Variants in ARHGAP24 observed in about 807,000 individuals in gnomAD.
The protein encoded by ARHGAP24 is Rho GTPase activating protein 24.
ARHGAP24 carries 50 observed loss-of-function variants against 76.4 expected under a neutral mutation model. The observed-to-expected ratio is 0.65, with a 90% CI of 0.52 to 0.83. ARHGAP24 has a LOEUF of 0.83. Ranked by LOEUF, ARHGAP24 falls within the 40% of genes least tolerant of loss-of-function variation. The pLI, the probability that ARHGAP24 is intolerant of heterozygous loss-of-function variation, is 0.00. For synonymous variants in ARHGAP24, 345 were observed against 323.3 expected, an observed-to-expected ratio of 1.07 and a Z score of -0.72; for missense variants, 930 against 914.2, an observed-to-expected ratio of 1.02 and a Z score of -0.22.
At chr4:85,736,301 C>T (rs975408522) in intron 3 of ARHGAP24, among the ~76,000 whole-genome samples, 1 of 152,134 alleles carries the variant, frequency 6.6e-6, no homozygotes, top group Non-Finnish European at 1.5e-5. Flanking sequence ...CTTTGTTTTG[C>T]TCATCATCTT....
chr4:85,872,556 A>G (rs1732593746), intron 3 of ARHGAP24, among the ~76,000 whole-genome samples: 1 of 147,742 alleles, frequency 6.8e-6, no homozygotes, highest in East Asian at 2.0e-4. Context: ...TCGGCCTCCC[A>G]AAGTGCTGGG....
At chr4:85,921,854 G>A (rs1735736624) in intron 3 of ARHGAP24, among the ~76,000 whole-genome samples, 1 of 152,046 alleles carries the variant, frequency 6.6e-6, no homozygotes, top group African/African-American at 2.4e-5. Flanking sequence ...CGCTCCTTAT[G>A]ATAGTTGAAC....
chr4:85,715,334 T>C (rs1407135894), intron 2 of ARHGAP24, among the ~76,000 whole-genome samples: 1 of 152,098 alleles, frequency 6.6e-6, no homozygotes, highest in Admixed American at 6.6e-5. Flanking sequence ...TTTACTACAA[T>C]CATTTCATTA....
At chr4:85,842,270 A>G (rs919092664) in intron 3 of ARHGAP24, among the ~76,000 whole-genome samples, 2 of 152,066 alleles carry the variant, frequency 1.3e-5, no homozygotes, top group Non-Finnish European at 2.9e-5. Flanking sequence ...CTCTCTCTCA[A>G]TCATTTCTAT....
At chr4:85,975,558 T>G (rs576826270) in intron 7 of ARHGAP24, 2 of 153,164 alleles carry the variant, frequency 1.3e-5, no homozygotes, top group South Asian at 4.1e-4. Flanking sequence ...AAAATAATTG[T>G]GCCTGGAAAA....
Position 85,570,665 on chromosome 4 carries a change from G to A in ARHGAP24, c.124G>A (p.Val42Met). 1 of 1,614,112 alleles carries A rather than the reference G, an allele frequency of 6.2e-7. No individual in the cohort carries two copies. The highest frequency in any genetic ancestry group is 8.5e-7 in the Non-Finnish European group (1 of 1,180,022). ...FVKTWHTRWFVLKGDQLYYFK... is the reference protein window; with the variant it reads ...FVKTWHTRWFMLKGDQLYYFK... ...CAAGACTTGGCATACTCGCTGGTTT[G>A]TGCTCAAGGGGGATCAGCTCTATTA... is the stretch of plus-strand genomic sequence containing the variant. Residue 42 changes from valine to methionine, a missense_variant, in exon 2 of 10, where the codon GTG becomes ATG. Val to Met is a conservative substitution (Grantham distance 21). Coordinates refer to ENST00000395184, the MANE Select transcript of ARHGAP24 (RefSeq NM_001025616.3).
chr4:85,484,670 G>C (rs1246534457), intron 1 of ARHGAP24, among the ~76,000 whole-genome samples: 23 of 152,112 alleles, frequency 1.5e-4, no homozygotes, highest in Admixed American at 1.5e-3. Context: ...AGGCTGGAGT[G>C]CAGTGGTGCC....
intron 1 of ARHGAP24, among the ~76,000 whole-genome samples, chr4:85,531,865 G>A (rs1038037837): frequency 6.6e-6 from 1 of 151,998 alleles, no homozygotes; most frequent in African/African-American, 2.4e-5. Flanking sequence ...TCTCTCCACA[G>A]CATATTATAT....
At chr4:85,798,507 ACACCTCCC>A (rs957193055) in intron 3 of ARHGAP24, among the ~76,000 whole-genome samples, 6 of 152,194 alleles carry the variant, frequency 3.9e-5, no homozygotes, top group South Asian at 2.1e-4. Context: ...ACAGGACTGT[ACACCTCCC>A]CACAATGCAA....
chr4:85,871,201 T>C (rs1732507040), intron 3 of ARHGAP24, among the ~76,000 whole-genome samples: 1 of 152,162 alleles, frequency 6.6e-6, no homozygotes. Context: ...CTTTAGGTTT[T>C]GAAGGACCTA....
chr4:85,633,588 G>A (rs193163759), intron 2 of ARHGAP24, among the ~76,000 whole-genome samples: 28 of 151,658 alleles, frequency 1.8e-4, no homozygotes, highest in East Asian at 5.8e-4. Flanking sequence ...TTCTTCTAGC[G>A]GAGTGATATT....
At chr4:85,770,398 C>T (rs2110078420) in intron 3 of ARHGAP24, among the ~76,000 whole-genome samples, 1 of 152,164 alleles carries the variant, frequency 6.6e-6, no homozygotes, top group East Asian at 1.9e-4. Flanking sequence ...TCCAATAGTC[C>T]TCCTATTGTT....
chr4:85,543,778 A>G (rs1365814761), intron 1 of ARHGAP24, among the ~76,000 whole-genome samples: 2 of 152,098 alleles, frequency 1.3e-5, no homozygotes, highest in Non-Finnish European at 2.9e-5. Context: ...TTTTTTTCCT[A>G]TAATCCTTAA....
chr4:85,485,033 GT>G (rs1722964916), intron 1 of ARHGAP24, among the ~76,000 whole-genome samples: 1 of 151,500 alleles, frequency 6.6e-6, no homozygotes, highest in Non-Finnish European at 1.5e-5. Flanking sequence ...GTTCTTTTTT[GT>G]TTTTTTCCTT....
At chr4:85,754,118 TC>T (rs1185771377) in intron 3 of ARHGAP24, among the ~76,000 whole-genome samples, 1 of 152,178 alleles carries the variant, frequency 6.6e-6, no homozygotes, top group Non-Finnish European at 1.5e-5. Flanking sequence ...TCTGGGAACC[TC>T]CTGATCTCTG....
intron 1 of ARHGAP24, among the ~76,000 whole-genome samples, chr4:85,518,532 C>A (rs374193134): frequency 1.8e-4 from 28 of 151,992 alleles, no homozygotes; most frequent in Non-Finnish European, 2.8e-4. Flanking sequence ...ATTCTTCCCC[C>A]CAAGTTTCCA....
intron 1 of ARHGAP24, among the ~76,000 whole-genome samples, chr4:85,556,098 C>T (rs1265415644): frequency 6.6e-6 from 1 of 152,002 alleles, no homozygotes; most frequent in Non-Finnish European, 1.5e-5. Context: ...GTGGGGGTGA[C>T]TGCAACTGCT....
At chr4:85,626,938 T>C (rs911762185) in intron 2 of ARHGAP24, among the ~76,000 whole-genome samples, 3 of 152,192 alleles carry the variant, frequency 2.0e-5, no homozygotes, top group African/African-American at 7.2e-5. Flanking sequence ...AGGTCCTTTA[T>C]GGACTTCTCT....
At chr4:85,557,122 A>T (rs1289377819) in intron 1 of ARHGAP24, among the ~76,000 whole-genome samples, 1 of 152,222 alleles carries the variant, frequency 6.6e-6, no homozygotes, top group Non-Finnish European at 1.5e-5. Flanking sequence ...GCTCTGTCCC[A>T]GGGAATTGCA....
Sources: allele counts gnomAD v4.1 joint callset (sites outside exome capture counted in the v4.1 genomes callset), GRCh38; gene constraint gnomAD v4.1.1; transcripts MANE v1.5; gene names NCBI Gene and HGNC (gene_info 2026-07-23, HGNC 2026-07-21).